ABLIM2: variants seen among roughly 807,000 people sequenced by gnomAD.
The protein encoded by ABLIM2 is actin binding LIM protein family member 2.
Under a neutral mutation model 97.7 loss-of-function variants are expected in ABLIM2, and 53 were observed. The ratio of observed to expected loss-of-function variants is 0.54; its 90% CI spans 0.44 to 0.68. ABLIM2 has a LOEUF of 0.68. Ranked by LOEUF, ABLIM2 falls within the 30% of genes least tolerant of loss-of-function variation. ABLIM2 has a pLI of 0.00. For synonymous variants in ABLIM2, 361 were observed against 345.8 expected (o/e 1.04, Z -0.49); for missense variants, 835 against 867.2 (o/e 0.96, Z 0.47).
rs1231192722 is a variant in ABLIM2, at chr4:8,033,267, G to A, written c.1047+2882C>T. ...AGAAAGAGCACAGCCCTTGTGAGGT[G>A]AGCAAGCATTGGGAAAGAGAACGCC... is the stretch of plus-strand genomic sequence containing the variant. On this transcript the variant is annotated intron_variant, in intron 10 of 20. Coordinates refer to ENST00000447017, the MANE Select transcript of ABLIM2 (RefSeq NM_001130083.2). The surrounding 1 kb of genome is among the most constrained non-coding windows in gnomAD (Gnocchi z 4.5). 6.6e-6 allele frequency among the ~76,000 whole-genome samples: 1 copy of A among 152,232 alleles called. No homozygotes were observed. Among genetic ancestry groups the A allele is most frequent in the African/African-American group, 2.4e-5 (1 of 41,470 alleles).
chr4:8,106,591 G>A lies in ABLIM2; in HGVS notation c.57C>T (p.Ser19=). The change falls in exon 2 of 21, where the codon AGC becomes AGT. Residue 19 remains serine, a synonymous_variant. Transcript: ENST00000447017. ...CACACGTGTTGCACAGGATCGCCGT[G>A]CTGGGCGACTTCTCCAGCGGGCTGG... ...AAPSPLEKSP[S]TAILCNTCGN... 6.2e-7 allele frequency: 1 copy of A among 1,611,972 alleles called. No individual in the cohort carries two copies. The highest frequency in any genetic ancestry group is 8.5e-7 in the Non-Finnish European group (1 of 1,179,244).
chr4:8,128,189 T>C lies in ABLIM2; in HGVS notation c.11-21552A>G, dbSNP rs1256062964. 3.9e-5 allele frequency among the ~76,000 whole-genome samples: 6 copies of C among 152,344 alleles called. No individual in the cohort carries two copies. In the East Asian group the frequency reaches 1.2e-3, roughly 29 times the overall value. ...ACCTTCACAGGCCGTCTTCCCTGTG[T>C]GTCTCTGCGTGTCCTTTTTAGTCTC... On this transcript the variant is annotated intron_variant, in intron 1 of 20. Transcript: ENST00000447017. This position sits in a 1 kb window ranked among gnomAD's most constrained non-coding sequence, Gnocchi z 4.9.
intron 7 of ABLIM2, among the ~76,000 whole-genome samples, chr4:8,060,335 C>T (rs1271234972): frequency 6.6e-6 from 1 of 152,158 alleles, no homozygotes; most frequent in Non-Finnish European, 1.5e-5. Context: ...CACAGGACGC[C>T]CCGCCTTTGT....
rs556412408 is a variant in ABLIM2 at position 8,130,535 on chromosome 4, CTG to C, written c.11-23900_11-23899del. 4.2e-3 allele frequency among the ~76,000 whole-genome samples: 639 copies of C among 152,260 alleles called. 5 individuals are homozygous for C. Among genetic ancestry groups the C allele is most frequent in the African/African-American group, 0.015 (610 of 41,556 alleles). ...AAGTTGTCTAAGCTTCCCCGAGACA[CTG>C]TGAGGTGGCGCCACGCTTGGCCCCG... On this transcript the variant is annotated intron_variant, in intron 1 of 20. Coordinates refer to ENST00000447017, the MANE Select transcript of ABLIM2 (RefSeq NM_001130083.2). The surrounding 1 kb of genome is among the most constrained non-coding windows in gnomAD (Gnocchi z 4.2).
intron 2 of ABLIM2, among the ~76,000 whole-genome samples, chr4:8,098,768 G>T (rs55710515): frequency 0.032 from 4,922 of 152,216 alleles, 234 homozygotes; most frequent in African/African-American, 0.11. Context: ...AGGGGTACAC[G>T]GCAGCACAGA....
rs572327951 is a variant in ABLIM2 at position 7,992,106 on chromosome 4, G to A, written c.1680+760C>T. ...GTGTGTCTGTGTGTTGGGGGGTCTG[G>A]GACCAGCAAGCCTGCCCCACCCTAA... On this transcript the variant is annotated intron_variant, in intron 17 of 20. Coordinates refer to ENST00000447017, the MANE Select transcript of ABLIM2 (RefSeq NM_001130083.2). The surrounding 1 kb of genome is among the most constrained non-coding windows in gnomAD (Gnocchi z 5.7). Among the ~76,000 whole-genome samples the A allele has an allele frequency of 2.6e-5, 4 of 152,166 alleles. No individual in the cohort carries two copies. The South Asian group carries it at 8.3e-4, about 32-fold the overall frequency.
rs1184999665 is a variant in ABLIM2, at chr4:8,120,878, A to G, written c.11-14241T>C. Among the ~76,000 whole-genome samples the G allele has an allele frequency of 6.6e-6, 1 of 152,260 alleles. No individual in the cohort carries two copies. The highest frequency in any genetic ancestry group is 1.9e-4 in the East Asian group (1 of 5,202). On this transcript the variant is annotated intron_variant, in intron 1 of 20. Transcript: ENST00000447017. The surrounding 1 kb of genome is among the most constrained non-coding windows in gnomAD (Gnocchi z 5.6). ...ACACATCTAACGCAAAGCCTGTTTTATAATACAATGTTGACCGTCTCACGT... is the reference window on the plus strand; with the variant it reads ...ACACATCTAACGCAAAGCCTGTTTTGTAATACAATGTTGACCGTCTCACGT...
rs911557100 is a variant in ABLIM2 at position 8,072,222 on chromosome 4, T to A, written c.675+5406A>T. On this transcript the variant is annotated intron_variant, in intron 6 of 20. Transcript: ENST00000447017. The surrounding 1 kb of genome is among the most constrained non-coding windows in gnomAD (Gnocchi z 5.8). ...TCGAATTAGGATGGTTCCTTCCCGATGAACCAGGGCGCACCCCAAATTCTG... is the reference window on the plus strand; with the variant it reads ...TCGAATTAGGATGGTTCCTTCCCGAAGAACCAGGGCGCACCCCAAATTCTG... 5.3e-5 allele frequency among the ~76,000 whole-genome samples: 8 copies of A among 152,230 alleles called. No individual in the cohort carries two copies. The highest frequency in any genetic ancestry group is 1.9e-4 in the African/African-American group (8 of 41,468).
chr4:8,121,550 G>A (rs1845461975), intron 1 of ABLIM2, among the ~76,000 whole-genome samples: 2 of 152,206 alleles, frequency 1.3e-5, no homozygotes, highest in African/African-American at 4.8e-5. Flanking sequence ...CACAGAGGCA[G>A]ACAGGGCGGC....
chr4:8,039,983 G>C (rs1248469761), intron 9 of ABLIM2, among the ~76,000 whole-genome samples: 2 of 150,012 alleles, frequency 1.3e-5, no homozygotes, highest in African/African-American at 2.5e-5. Context: ...AGGGTCTACT[G>C]TGTGCACATT....
At chr4:8,060,300 C>G (rs1194021422) in intron 7 of ABLIM2, among the ~76,000 whole-genome samples, 1 of 152,184 alleles carries the variant, frequency 6.6e-6, no homozygotes, top group South Asian at 2.1e-4. Flanking sequence ...CCTCAAGTCT[C>G]GCCCTTTCTT....
rs1722943058 is a variant in ABLIM2 at position 7,966,282 on chromosome 4, C to CGTTTAAGT, written c.*700_*707dup. 1 of 152,728 alleles carries CGTTTAAGT rather than the reference C, an allele frequency of 6.5e-6. No individual in the cohort carries two copies. The highest frequency in any genetic ancestry group is 1.9e-4 in the East Asian group (1 of 5,164). 9.5% of individuals were successfully genotyped at this position (152,728 alleles called of 1,614,324 possible). A position where few individuals can be genotyped will look rare whatever the true frequency, so the allele number is the denominator to read the frequency against. ...ATTAAACTCTATATATGTCATCTCG[C>CGTTTAAGT]GTTTAAGTAGGCTATACTTTTTAAT... On this transcript the variant is annotated 3_prime_UTR_variant, in exon 21 of 21. Transcript: ENST00000447017.
At chr4:8,100,031 G>T (rs4261976) in intron 2 of ABLIM2, among the ~76,000 whole-genome samples, 23,662 of 152,202 alleles carry the variant, frequency 0.16, 4,396 homozygotes, top group African/African-American at 0.44. Context: ...GGTGATGGGA[G>T]CACCATCCTT....
intron 20 of ABLIM2, among the ~76,000 whole-genome samples, chr4:7,980,362 G>A (rs988950176): frequency 6.6e-6 from 1 of 152,080 alleles, no homozygotes; most frequent in East Asian, 1.9e-4. Context: ...ACAGAGAGCA[G>A]GCCCTGAAAG....
chr4:7,969,730 GACACACACACAC>G (rs56236019), intron 20 of ABLIM2, among the ~76,000 whole-genome samples: 12 of 139,682 alleles, frequency 8.6e-5, no homozygotes, highest in Admixed American at 2.2e-4. Context: ...CTCTCTCTCT[GACACACACACAC>G]ACACACACAC....
intron 14 of ABLIM2, among the ~76,000 whole-genome samples, chr4:8,018,374 G>A (rs56261879): frequency 0.25 from 37,936 of 152,126 alleles, 5,595 homozygotes; most frequent in Non-Finnish European, 0.35. Flanking sequence ...TTTTGGCCAG[G>A]CCTCAGTTTC....
At chr4:8,135,186 T>G (rs578198287) in intron 1 of ABLIM2, among the ~76,000 whole-genome samples, 2 of 152,274 alleles carry the variant, frequency 1.3e-5, no homozygotes, top group South Asian at 4.1e-4. Context: ...GAATAAAAGC[T>G]ACTAAGGACA....
At chr4:8,105,651 C>T (rs535428025) in intron 2 of ABLIM2, among the ~76,000 whole-genome samples, 24 of 152,330 alleles carry the variant, frequency 1.6e-4, no homozygotes, top group Non-Finnish European at 2.8e-4. Flanking sequence ...CCCAGGGGGC[C>T]GTCATACCGA....
At chr4:8,052,172 G>A (rs1356788605) in intron 8 of ABLIM2, among the ~76,000 whole-genome samples, 2 of 152,234 alleles carry the variant, frequency 1.3e-5, no homozygotes, top group African/African-American at 4.8e-5. Context: ...CACATCATCA[G>A]GAGACAGGGT....
Sources: gnomAD v4.1 joint callset for allele counts (sites outside exome capture counted in the v4.1 genomes callset) on GRCh38, gnomAD v4.1.1 for gene constraint, Gnocchi (gnomAD v3.1) non-coding constraint, MANE v1.5 for transcripts, NCBI Gene and HGNC (gene_info 2026-07-23, HGNC 2026-07-21) for gene names.